TTLL6: variants seen among roughly 807,000 people sequenced by gnomAD.
TTLL6 encodes tubulin polyglutamylase TTLL6.
Under a neutral mutation model 96.4 loss-of-function variants are expected in TTLL6, and 75 were observed. The ratio of observed to expected loss-of-function variants is 0.78; its 90% CI spans 0.65 to 0.94. TTLL6 has a LOEUF of 0.94. TTLL6 is among the 40% of genes least tolerant of loss of function. The probability of loss-of-function intolerance (pLI) is 0.00; values close to 1 mark genes in which losing one functional copy is unlikely to be tolerated. For missense variants in TTLL6, 1,030 were observed against 1,093.0 expected (o/e 0.94, Z 0.81); for synonymous variants, 411 against 419.4 (o/e 0.98, Z 0.24).
chr17:48,771,817 G>A (rs2038753839), intron 13 of TTLL6, among the ~76,000 whole-genome samples: 1 of 151,968 alleles, frequency 6.6e-6, no homozygotes, highest in Admixed American at 6.6e-5. Flanking sequence ...GCTCACACCT[G>A]TAATCCCAGA....
intron 13 of TTLL6, among the ~76,000 whole-genome samples, chr17:48,783,067 T>C (rs543572695): frequency 6.6e-6 from 1 of 152,162 alleles, no homozygotes; most frequent in East Asian, 1.9e-4. Flanking sequence ...GAATAGAAAA[T>C]GTTAATTGAG....
At position 48,790,026 on chromosome 17, in the gene TTLL6, G is replaced by A. The variant is rs973238085; in HGVS notation, c.1305C>T (p.Val435=). 6 of 1,614,188 alleles carry A rather than the reference G, an allele frequency of 3.7e-6. No individual in the cohort carries two copies. Among genetic ancestry groups the A allele is most frequent in the Non-Finnish European group, 5.1e-6 (6 of 1,180,022 alleles). Residue 435 remains valine, a synonymous_variant, in exon 10 of 16, where the codon GTC becomes GTT. Coordinates refer to ENST00000393382, the MANE Select transcript of TTLL6 (RefSeq NM_001130918.3). ...TGTCACAGCTTTCCAGGTTGATCAG[G>A]ACTAAGGTGTCATACAGCAGACCAT... ...VKDGLLYDTL[V]LINLESCDKK... is the part of the protein sequence containing the mutation.
intron 15 of TTLL6, among the ~76,000 whole-genome samples, chr17:48,767,051 C>T (rs552799010): frequency 2.0e-5 from 3 of 152,262 alleles, no homozygotes; most frequent in Admixed American, 6.5e-5. Flanking sequence ...ACTACAGGCA[C>T]GTGCCATCAT....
At chr17:48,816,880 T>G in intron 1 of TTLL6, 90 bp downstream of exon 1, 1 of 1,028,208 alleles carries the variant, frequency 9.7e-7, no homozygotes, top group Non-Finnish European at 1.4e-6. Flanking sequence ...CCCGTGTGGG[T>G]TTAAGGAGAC....
At chr17:48,777,608 G>C (rs1269143212) in intron 13 of TTLL6, among the ~76,000 whole-genome samples, 1 of 152,150 alleles carries the variant, frequency 6.6e-6, no homozygotes, top group African/African-American at 2.4e-5. Context: ...GCAGGCACCT[G>C]TAATCCCAGC....
intron 15 of TTLL6, among the ~76,000 whole-genome samples, chr17:48,767,786 G>A (rs1364008212): frequency 6.6e-6 from 1 of 152,108 alleles, no homozygotes; most frequent in Non-Finnish European, 1.5e-5. Context: ...ACCATCTCCT[G>A]GGGCCTTTTG....
intron 15 of TTLL6, among the ~76,000 whole-genome samples, chr17:48,767,177 A>G (rs1018742397): frequency 3.9e-5 from 6 of 152,148 alleles, no homozygotes; most frequent in Non-Finnish European, 8.8e-5. Context: ...TGCTGGGATT[A>G]CAGGCATGAG....
Position 48,799,720 on chromosome 17 carries a change from T to G in TTLL6, c.652A>C (p.Lys218Gln), listed in dbSNP as rs2039377814. The change falls in exon 6 of 16, where the codon AAG (lysine) becomes CAG (glutamine). Residue 218 changes from lysine (K) to glutamine (Q), a missense_variant. Physicochemically the swap from Lys to Gln is moderately conservative, Grantham distance 53. Transcript: ENST00000393382. ...LQTYSRSRKN[K>Q]TYICKPDSGC... ...GAATCCGGCTTACAAATGTATGTCT[T>G]ATTTTTTCTTGACCTGCTGTAGGTC... 2 of 1,551,770 alleles carry G rather than the reference T, an allele frequency of 1.3e-6. No homozygotes were observed. The highest frequency in any genetic ancestry group is 1.7e-6 in the Non-Finnish European group (2 of 1,146,994).
rs1384782063 is a variant in TTLL6 at position 48,788,010 on chromosome 17, G to A, written c.1401-11C>T. The A allele has an allele frequency of 6.2e-7, 1 of 1,611,908 alleles. No homozygotes were observed. The highest frequency in any genetic ancestry group is 1.7e-5 in the Admixed American group (1 of 59,784). On this transcript the variant is annotated splice_polypyrimidine_tract_variant and intron_variant, in intron 10 of 15. Transcript: ENST00000393382. The stretch of plus-strand genomic sequence containing the variant: ...TTGGCTTCCTCAATCCTGTTGGGAA[G>A]CAGAACATGGGGCTGCTGTCAGGTT...
chr17:48,813,332 G>A (rs1340108349), intron 1 of TTLL6, among the ~76,000 whole-genome samples: 1 of 94,098 alleles, frequency 1.1e-5, no homozygotes. Context: ...AAGGTGGGCA[G>A]AGCACTTGAG....
chr17:48,804,438 A>T (rs1185322308), intron 2 of TTLL6: 1 of 507,302 alleles, frequency 2.0e-6, no homozygotes, highest in South Asian at 1.5e-5. Context: ...GTGCTATCAT[A>T]CTGAAGGCGT....
At chr17:48,769,344 T>C (rs2038685121) in intron 14 of TTLL6, 90 bp from the exon 15 acceptor site, 1 of 1,455,506 alleles carries the variant, frequency 6.9e-7, no homozygotes, top group Non-Finnish European at 9.2e-7. Flanking sequence ...TAGGGTCCCA[T>C]GGCCTGTAAC....
intron 2 of TTLL6, chr17:48,804,419 G>A (rs2039473669): frequency 6.1e-6 from 3 of 495,856 alleles, no homozygotes. Flanking sequence ...ATCCTGATAA[G>A]TCAGTATGGT....
At chr17:48,787,661 G>A (rs1352978982) in intron 11 of TTLL6, 150 bp downstream of exon 11, 3 of 684,212 alleles carry the variant, frequency 4.4e-6, no homozygotes, top group Non-Finnish European at 7.2e-6. Context: ...CTCCTAAAGT[G>A]CTAGGACTAC....
Position 48,785,000 on chromosome 17 carries a change from A to T in TTLL6, c.1963T>A (p.Leu655Met). The T allele has an allele frequency of 6.2e-7, 1 of 1,614,206 alleles. No homozygotes were observed. The highest frequency in any genetic ancestry group is 8.5e-7 in the Non-Finnish European group (1 of 1,180,034). ...LRNINLSSSK[L>M]EPSKPNFSIK... ...CTGAAGTTGGGTTTACTGGGCTCCAACTTCGAGCTGCTGAGATTGATATTC... is the reference window on the plus strand; with the variant it reads ...CTGAAGTTGGGTTTACTGGGCTCCATCTTCGAGCTGCTGAGATTGATATTC... Residue 655 changes from leucine (L) to methionine (M), a missense_variant, in exon 13 of 16, where the codon TTG (leucine) becomes ATG (methionine). Coordinates refer to ENST00000393382, the MANE Select transcript of TTLL6 (RefSeq NM_001130918.3).
intron 1 of TTLL6, among the ~76,000 whole-genome samples, chr17:48,811,445 G>A (rs577274043): frequency 6.6e-6 from 1 of 152,074 alleles, no homozygotes; most frequent in South Asian, 2.1e-4. Flanking sequence ...TGCCCAGGCT[G>A]GTCTCAAATG....
chr17:48,789,974 G>T lies in TTLL6; in HGVS notation c.1357C>A (p.Gln453Lys), dbSNP rs2039186779. The T allele has an allele frequency of 6.2e-7, 1 of 1,614,088 alleles. No individual in the cohort carries two copies. The highest frequency in any genetic ancestry group is 8.5e-7 in the Non-Finnish European group (1 of 1,180,042). Residue 453 changes from glutamine (Q) to lysine (K), a missense_variant, in exon 10 of 16, where the codon CAA (glutamine) becomes AAA (lysine). Coordinates refer to ENST00000393382, the MANE Select transcript of TTLL6 (RefSeq NM_001130918.3). ...CACTGCTGCAGGAACTGCCCCCGTTGTCTCTCCTCCTCCAAGACTTTCTTC... is the reference window on the plus strand; with the variant it reads ...CACTGCTGCAGGAACTGCCCCCGTTTTCTCTCCTCCTCCAAGACTTTCTTC... ...DKKKVLEEERQRGQFLQQCCS... is the reference protein window; with the variant it reads ...DKKKVLEEERKRGQFLQQCCS...
rs1404222201 is a variant in TTLL6 at position 48,785,058 on chromosome 17, A to G, written c.1905T>C (p.Ser635=). ...EASSVFPKLT[S]AKPFSSLPDL... is the part of the protein sequence containing the mutation. Reference sequence around the variant, plus strand: ...CGGGTAGAGAACTGAAGGGCTTCGCAGACGTCAGCTTGGGGAAAACAGAGC... The same window carrying G: ...CGGGTAGAGAACTGAAGGGCTTCGCGGACGTCAGCTTGGGGAAAACAGAGC... The change falls in exon 13 of 16, where the codon TCT becomes TCC. Residue 635 remains serine (S), a synonymous_variant. Transcript: ENST00000393382. 6.2e-7 allele frequency: 1 copy of G among 1,614,154 alleles called. No homozygotes were observed. Among genetic ancestry groups the G allele is most frequent in the Admixed American group, 1.7e-5 (1 of 60,022 alleles).
At chr17:48,810,059 A>C (rs1258732099) in intron 1 of TTLL6, among the ~76,000 whole-genome samples, 1 of 151,196 alleles carries the variant, frequency 6.6e-6, no homozygotes, top group Non-Finnish European at 1.5e-5. Flanking sequence ...GAATTGCTTG[A>C]ACCTGGGAGG....
Sources: gnomAD v4.1 joint callset for allele counts (sites outside exome capture counted in the v4.1 genomes callset) on GRCh38, gnomAD v4.1.1 for gene constraint, MANE v1.5 for transcripts, NCBI Gene and HGNC (gene_info 2026-07-23, HGNC 2026-07-21) for gene names.